MECOM: variants seen among roughly 807,000 people sequenced by gnomAD.
MECOM encodes histone-lysine N-methyltransferase MECOM.
A neutral mutation model predicts 116.3 loss-of-function variants in MECOM; 13 were observed. That is an observed-to-expected ratio of 0.11 (90% CI 0.07 to 0.18). The LOEUF is 0.18. MECOM is among the 10% of genes least tolerant of loss of function. The pLI is 1.00. For missense variants in MECOM, 1,299 were observed against 1,509.0 expected (o/e 0.86, Z 2.31); for synonymous variants, 528 against 535.2 (o/e 0.99, Z 0.19).
At chr3:169,205,791 TC>T (rs1749844955) in intron 2 of MECOM, among the ~76,000 whole-genome samples, 2 of 152,124 alleles carry the variant, frequency 1.3e-5, no homozygotes, top group Non-Finnish European at 2.9e-5. Context: ...ATTTTAGAAA[TC>T]ATTTAACTCA....
intron 2 of MECOM, among the ~76,000 whole-genome samples, chr3:169,376,034 T>G (rs946845129): frequency 6.6e-6 from 1 of 151,638 alleles, no homozygotes; most frequent in Admixed American, 6.6e-5. Flanking sequence ...CATACACAAA[T>G]CAATAAACAT....
intron 1 of MECOM, among the ~76,000 whole-genome samples, chr3:169,544,768 G>A (rs771770663): frequency 1.3e-5 from 2 of 152,110 alleles, no homozygotes; most frequent in Non-Finnish European, 2.9e-5. Flanking sequence ...ACTAACACAG[G>A]AACAGAAAAC....
chr3:169,504,262 T>G (rs1754933498), intron 1 of MECOM, among the ~76,000 whole-genome samples: 1 of 149,422 alleles, frequency 6.7e-6, no homozygotes, highest in African/African-American at 2.5e-5. Context: ...GGTGGGAATG[T>G]GGGAGGTGGT....
At chr3:169,423,220 G>A (rs1740059173) in intron 1 of MECOM, among the ~76,000 whole-genome samples, 1 of 152,054 alleles carries the variant, frequency 6.6e-6, no homozygotes, top group Non-Finnish European at 1.5e-5. Context: ...TCATTGCAAT[G>A]TCACTGATTC....
chr3:169,573,489 A>G (rs1485070709), intron 1 of MECOM, among the ~76,000 whole-genome samples: 6 of 152,190 alleles, frequency 3.9e-5, no homozygotes, highest in African/African-American at 1.4e-4. Flanking sequence ...GAAGCAGCAT[A>G]CCGTCAGCCA....
intron 2 of MECOM, among the ~76,000 whole-genome samples, chr3:169,184,271 G>A (rs544860038): frequency 8.2e-4 from 125 of 152,244 alleles, no homozygotes; most frequent in Middle Eastern, 3.4e-3. Flanking sequence ...GCCTGGTAGA[G>A]AAGGTAGGGA....
chr3:169,184,970 G>A (rs934268941), intron 2 of MECOM, among the ~76,000 whole-genome samples: 4 of 152,142 alleles, frequency 2.6e-5, no homozygotes, highest in Non-Finnish European at 5.9e-5. Context: ...AGTGCCAGAA[G>A]GGAAGGTGGG....
intron 1 of MECOM, among the ~76,000 whole-genome samples, chr3:169,608,406 C>T (rs143222850): frequency 3.5e-4 from 53 of 152,224 alleles, no homozygotes; most frequent in African/African-American, 1.1e-3. Flanking sequence ...AAGCAGATCT[C>T]GAGTCAGTAG....
chr3:169,594,323 C>T (rs927815447), intron 1 of MECOM, among the ~76,000 whole-genome samples: 18 of 152,122 alleles, frequency 1.2e-4, no homozygotes, highest in African/African-American at 4.3e-4. Context: ...CTATGTCTAT[C>T]TAGAGCTGTG....
rs1411877987 is a variant in MECOM, at chr3:169,335,438, C to T, written c.375+45749G>A. ...AGAATACAATTCTGTCCCTCTATGG[C>T]TCTCCTTCAGCATGTCAAAAATTGA... is the stretch of plus-strand genomic sequence containing the variant. On this transcript the variant is annotated intron_variant, in intron 2 of 16. Coordinates refer to ENST00000651503, the MANE Select transcript of MECOM (RefSeq NM_004991.4). Among the ~76,000 whole-genome samples, 41 of 152,212 alleles carry T rather than the reference C, an allele frequency of 2.7e-4. 1 individual carries two copies.
chr3:169,639,769 T>C (rs1327797293), intron 1 of MECOM, among the ~76,000 whole-genome samples: 5 of 152,342 alleles, frequency 3.3e-5, no homozygotes, highest in African/African-American at 1.2e-4. Context: ...GGATATATAA[T>C]TGGCACATCA....
chr3:169,546,006 A>AG (rs1463486805), intron 1 of MECOM, among the ~76,000 whole-genome samples: 8 of 152,356 alleles, frequency 5.3e-5, no homozygotes, highest in African/African-American at 1.9e-4. Flanking sequence ...CTTCATGTAA[A>AG]GGAAGCGCTA....
chr3:169,248,788 T>C (rs1223580041), intron 2 of MECOM, among the ~76,000 whole-genome samples: 4 of 152,130 alleles, frequency 2.6e-5, no homozygotes, highest in Non-Finnish European at 5.9e-5. Flanking sequence ...GGAAAGATCA[T>C]GTAAGTAGGG....
chr3:169,601,072 G>A (rs1473569535), intron 1 of MECOM, among the ~76,000 whole-genome samples: 1 of 152,134 alleles, frequency 6.6e-6, no homozygotes, highest in Non-Finnish European at 1.5e-5. Flanking sequence ...AGTTATTTGT[G>A]GTCAAAATTA....
intron 1 of MECOM, among the ~76,000 whole-genome samples, chr3:169,461,153 G>A (rs1206784502): frequency 1.3e-5 from 2 of 151,960 alleles, no homozygotes; most frequent in East Asian, 1.9e-4. Flanking sequence ...GTTCAGTTCT[G>A]CTAGAGTTGA....
chr3:169,519,650 C>T (rs1316968786), intron 1 of MECOM, among the ~76,000 whole-genome samples: 1 of 152,332 alleles, frequency 6.6e-6, no homozygotes, highest in East Asian at 1.9e-4. Context: ...ACGAGCATGG[C>T]CTCTTGCCCC....
chr3:169,122,085 C>A (rs1731220074), intron 6 of MECOM, among the ~76,000 whole-genome samples: 1 of 152,168 alleles, frequency 6.6e-6, no homozygotes, highest in African/African-American at 2.4e-5. Flanking sequence ...TCAGCACTGA[C>A]AGAGGCTCTA....
chr3:169,622,115 G>C (rs754193661), intron 1 of MECOM, among the ~76,000 whole-genome samples: 1 of 152,162 alleles, frequency 6.6e-6, no homozygotes, highest in East Asian at 1.9e-4. Flanking sequence ...TTGAGAAGAA[G>C]TTTCACTCTT....
At chr3:169,092,907 AC>A (rs1720214462) in intron 14 of MECOM, 50 bp downstream of exon 14, 1 of 1,609,238 alleles carries the variant, frequency 6.2e-7, no homozygotes, top group Non-Finnish European at 8.5e-7. Flanking sequence ...ATATTTTAAA[AC>A]ATGTTCATTT....
Sources: gnomAD v4.1 joint callset for allele counts (sites outside exome capture counted in the v4.1 genomes callset) on GRCh38, gnomAD v4.1.1 for gene constraint, MANE v1.5 for transcripts, NCBI Gene and HGNC (gene_info 2026-07-23, HGNC 2026-07-21) for gene names.